GPC6: variants seen among roughly 807,000 people sequenced by gnomAD.
GPC6 encodes the protein glypican 6, also known as glypican-6.
In GPC6, 14 loss-of-function variants were observed where a neutral mutation model predicts 55.2. That is an observed-to-expected ratio of 0.25 (90% CI 0.17 to 0.40). The LOEUF is 0.40. GPC6 is among the 10% of genes least tolerant of loss of function. GPC6 has a pLI of 1.00. For missense variants in GPC6, 641 were observed against 708.5 expected, an observed-to-expected ratio of 0.90 and a Z score of 1.08; for synonymous variants, 278 against 259.6, an observed-to-expected ratio of 1.07 and a Z score of -0.68.
At chr13:94,152,495 G>C (rs1325176162) in intron 4 of GPC6, among the ~76,000 whole-genome samples, 2 of 152,000 alleles carry the variant, frequency 1.3e-5, no homozygotes, top group African/African-American at 4.8e-5. Flanking sequence ...TATTTTTTAT[G>C]ATTTTTTAAA....
At chr13:93,877,530 T>G (rs1874661071) in intron 3 of GPC6, among the ~76,000 whole-genome samples, 1 of 152,084 alleles carries the variant, frequency 6.6e-6, no homozygotes, top group Non-Finnish European at 1.5e-5. Context: ...TTCAAAGGTG[T>G]TGTGAATTTT....
At chr13:94,155,821 T>G (rs1887913615) in intron 4 of GPC6, among the ~76,000 whole-genome samples, 1 of 152,162 alleles carries the variant, frequency 6.6e-6, no homozygotes, top group Admixed American at 6.6e-5. Flanking sequence ...ACTTGTCTTC[T>G]GCCACACCCC....
At chr13:94,166,067 G>T (rs573336957) in intron 4 of GPC6, among the ~76,000 whole-genome samples, 1 of 152,200 alleles carries the variant, frequency 6.6e-6, no homozygotes, top group African/African-American at 2.4e-5. Context: ...TGTACTCTAT[G>T]ATCTATGCAA....
At chr13:94,331,204 C>G (rs1028050896) in intron 6 of GPC6, among the ~76,000 whole-genome samples, 1 of 152,100 alleles carries the variant, frequency 6.6e-6, no homozygotes, top group Non-Finnish European at 1.5e-5. Flanking sequence ...GCCGAGCCAC[C>G]TATTTTAATA....
chr13:93,962,698 T>C (rs188662341), intron 3 of GPC6, among the ~76,000 whole-genome samples: 2 of 152,306 alleles, frequency 1.3e-5, no homozygotes, highest in African/African-American at 2.4e-5. Flanking sequence ...AGCTAGTCTA[T>C]TATACAGATG....
Position 93,695,632 on chromosome 13 carries a change from A to T in GPC6, c.320-134522A>T, listed in dbSNP as rs556908329. 4.6e-5 allele frequency among the ~76,000 whole-genome samples: 7 copies of T among 152,188 alleles called. 1 individual carries two copies. The South Asian group carries it at 1.0e-3, about 23-fold the overall frequency. ...TGGCACAATATTTCTTAGATTTTTTAAAAAATATCTTTAAACATTTCCACT... is the reference window on the plus strand; with the variant it reads ...TGGCACAATATTTCTTAGATTTTTTTAAAAATATCTTTAAACATTTCCACT... On this transcript the variant is annotated intron_variant, in intron 2 of 8. Transcript: ENST00000377047.
At chr13:93,639,463 T>C (rs1879820728) in intron 2 of GPC6, among the ~76,000 whole-genome samples, 1 of 152,068 alleles carries the variant, frequency 6.6e-6, no homozygotes, top group South Asian at 2.1e-4. Context: ...TTAGAAGAAT[T>C]TTGAGTATTC....
At chr13:93,871,441 A>G (rs1889130055) in intron 3 of GPC6, among the ~76,000 whole-genome samples, 1 of 152,020 alleles carries the variant, frequency 6.6e-6, no homozygotes, top group African/African-American at 2.4e-5. Context: ...ATGACTTCAT[A>G]GAGGATAATC....
intron 4 of GPC6, among the ~76,000 whole-genome samples, chr13:94,075,902 C>T (rs1884895920): frequency 6.6e-6 from 1 of 152,048 alleles, no homozygotes; most frequent in South Asian, 2.1e-4. Flanking sequence ...GCTAATGTGA[C>T]TACTGCTATA....
At chr13:93,340,026 CTTTTTTTT>C (rs10714044) in intron 1 of GPC6, among the ~76,000 whole-genome samples, 2,342 of 81,670 alleles carry the variant, frequency 0.029, 23 homozygotes, top group African/African-American at 0.054. Flanking sequence ...AGTTTTCTTT[CTTTTTTTT>C]TTTTTTTTTT....
chr13:93,730,669 G>A (rs1250655868), intron 2 of GPC6, among the ~76,000 whole-genome samples: 1 of 152,198 alleles, frequency 6.6e-6, no homozygotes, highest in Non-Finnish European at 1.5e-5. Context: ...GTTTTCATTA[G>A]TTTTTAGAGC....
intron 4 of GPC6, among the ~76,000 whole-genome samples, chr13:94,120,102 TG>T (rs1320764932): frequency 2.0e-5 from 3 of 152,120 alleles, no homozygotes; most frequent in African/African-American, 7.2e-5. Flanking sequence ...TAAGAATGGC[TG>T]CGTTTCTCAA....
rs182067247 is a variant in GPC6, at chr13:93,296,232, T to A, written c.160+68616T>A. 3.3e-5 allele frequency among the ~76,000 whole-genome samples: 5 copies of A among 152,282 alleles called. No homozygotes were observed. In the East Asian group the frequency reaches 9.7e-4, roughly 29 times the overall value. On this transcript the variant is annotated intron_variant, in intron 1 of 8. Coordinates refer to ENST00000377047, the MANE Select transcript of GPC6 (RefSeq NM_005708.5). The stretch of plus-strand genomic sequence containing the variant: ...ACTTTTCTCTATTTCTCACATCTAA[T>A]TTATGATGTAGTCTAGTATATTCTA...
rs9561348 is a variant in GPC6, at chr13:93,432,379, A to G, written c.161-112884A>G. The stretch of plus-strand genomic sequence containing the variant: ...GCAGCATGGCAAACCGAGCATCAGC[A>G]TCCCATCAGCTGTTAAGAGGAGGTG... On this transcript the variant is annotated intron_variant, in intron 1 of 8. Coordinates refer to ENST00000377047, the MANE Select transcript of GPC6 (RefSeq NM_005708.5). Among the ~76,000 whole-genome samples the G allele has an allele frequency of 1.6e-3, 248 of 152,290 alleles. 3 individuals are homozygous for G. The East Asian group carries it at 0.046, about 29-fold the overall frequency.
chr13:93,243,453 G>A (rs868855612), intron 1 of GPC6, among the ~76,000 whole-genome samples: 6 of 152,152 alleles, frequency 3.9e-5, no homozygotes, highest in Admixed American at 6.5e-5. Context: ...CCATGGACTG[G>A]TCTACAGGAC....
At position 93,227,647 on chromosome 13, in the gene GPC6, G is replaced by A; in HGVS notation, c.160+31G>A. 1 of 1,549,732 alleles carries A rather than the reference G, an allele frequency of 6.5e-7. No individual in the cohort carries two copies. The highest frequency in any genetic ancestry group is 8.7e-7 in the Non-Finnish European group (1 of 1,147,040). ...CGCGGGCGCGCTGCAGGGGCAGGCTGCAGCCCTCGGCTGCCGCACGTCCCA... is the reference window on the plus strand; with the variant it reads ...CGCGGGCGCGCTGCAGGGGCAGGCTACAGCCCTCGGCTGCCGCACGTCCCA... On this transcript the variant is annotated intron_variant, in intron 1 of 8. Transcript: ENST00000377047. The surrounding 1 kb of genome is among the most constrained non-coding windows in gnomAD (Gnocchi z 4.3).
chr13:93,740,878 C>T (rs371969803), intron 2 of GPC6, among the ~76,000 whole-genome samples: 4 of 151,958 alleles, frequency 2.6e-5, no homozygotes, highest in Admixed American at 6.5e-5. Context: ...ATTTACTTTA[C>T]GTAGAAAACT....
intron 4 of GPC6, among the ~76,000 whole-genome samples, chr13:94,040,064 G>T (rs1292321872): frequency 6.6e-6 from 1 of 151,830 alleles, no homozygotes; most frequent in Non-Finnish European, 1.5e-5. Context: ...TTTCATAATT[G>T]CAGTCAGTTC....
At chr13:93,977,266 G>C (rs1320836163) in intron 3 of GPC6, among the ~76,000 whole-genome samples, 1 of 152,074 alleles carries the variant, frequency 6.6e-6, no homozygotes, top group East Asian at 1.9e-4. Context: ...TAATCCAAGG[G>C]TTCAAATTCA....
Sources: allele counts gnomAD v4.1 joint callset (sites outside exome capture counted in the v4.1 genomes callset), GRCh38; gene constraint gnomAD v4.1.1; non-coding constraint Gnocchi (gnomAD v3.1); transcripts MANE v1.5; gene names NCBI Gene and HGNC (gene_info 2026-07-23, HGNC 2026-07-21).